COMMD1: variants seen among roughly 807,000 people sequenced by gnomAD.
COMMD1 encodes COMM domain-containing protein 1.
Under a neutral mutation model 17.2 loss-of-function variants are expected in COMMD1, and 10 were observed. The ratio of observed to expected loss-of-function variants is 0.58; its 90% confidence interval spans 0.36 to 0.99. The LOEUF (loss-of-function observed/expected upper bound fraction) is 0.99. Ranked by LOEUF, COMMD1 falls within the 50% of genes least tolerant of loss-of-function variation. The pLI is 0.01. For synonymous variants in COMMD1, 97 were observed against 91.6 expected (o/e 1.06, Z -0.34); for missense variants, 270 against 231.8 (o/e 1.17, Z -1.07).
At chr2:61,928,320 C>G (rs2105204437) in intron 1 of COMMD1, among the ~76,000 whole-genome samples, 1 of 152,066 alleles carries the variant, frequency 6.6e-6, no homozygotes, top group East Asian at 1.9e-4. Context: ...GCTACCATGC[C>G]TGGCTAATTT....
intron 2 of COMMD1, among the ~76,000 whole-genome samples, chr2:62,073,850 A>G (rs781128767): frequency 3.0e-4 from 46 of 152,080 alleles, no homozygotes; most frequent in Non-Finnish European, 5.3e-4. Context: ...AGGTGCCGCC[A>G]CCATGCTTGG....
chr2:62,115,832 T>TTTTC lies in COMMD1; in HGVS notation c.463-19971_463-19968dup, dbSNP rs772454952. Among the ~76,000 whole-genome samples, 1,057 of 135,154 alleles carry TTTTC rather than the reference T, an allele frequency of 7.8e-3. 8 individuals are homozygous for TTTTC. The highest frequency in any genetic ancestry group is 0.027 in the Middle Eastern group (7 of 264). 88.7% of individuals were successfully genotyped at this position (135,154 alleles called of 152,430 possible). On this transcript the variant is annotated intron_variant, in intron 2 of 2. Transcript: ENST00000311832. ...AAGTCATAATTTTGGTGGGTTTTTT[T>TTTTC]TTTCTTTCTTTCTTTCTTTCTTTCT...
At chr2:62,134,485 G>A (rs1368103832) in intron 2 of COMMD1, among the ~76,000 whole-genome samples, 1 of 151,556 alleles carries the variant, frequency 6.6e-6, no homozygotes, top group Non-Finnish European at 1.5e-5. Flanking sequence ...ATTTATCCTT[G>A]TCTCTCAAGA....
intron 2 of COMMD1, among the ~76,000 whole-genome samples, chr2:62,015,491 C>A (rs2103841950): frequency 6.6e-6 from 1 of 152,242 alleles, no homozygotes; most frequent in African/African-American, 2.4e-5. Context: ...CATGGGTATA[C>A]AAATATCTAT....
intron 1 of COMMD1, among the ~76,000 whole-genome samples, chr2:61,925,961 T>C (rs1481789292): frequency 1.3e-5 from 2 of 151,808 alleles, no homozygotes; most frequent in African/African-American, 4.9e-5. Flanking sequence ...TTTTTTGTTT[T>C]TTGTTTTTTG....
chr2:62,065,379 T>G (rs1404036626), intron 2 of COMMD1, among the ~76,000 whole-genome samples: 1 of 139,916 alleles, frequency 7.1e-6, no homozygotes, highest in Admixed American at 7.5e-5. Context: ...AGGGTCTTGC[T>G]CTGTTACCCA....
intron 2 of COMMD1, among the ~76,000 whole-genome samples, chr2:62,059,716 A>G (rs2103936434): frequency 6.6e-6 from 1 of 152,150 alleles, no homozygotes; most frequent in South Asian, 2.1e-4. Flanking sequence ...TATAGACACA[A>G]GCTAGCCTTT....
At chr2:61,957,178 T>A (rs763649106) in intron 1 of COMMD1, among the ~76,000 whole-genome samples, 44 of 151,962 alleles carry the variant, frequency 2.9e-4, no homozygotes, top group Admixed American at 7.9e-4. Context: ...GTGGGGTGTT[T>A]ATAGCTCACT....
In COMMD1 at chr2:62,005,909, G is replaced by A. The variant is rs1488455726; in HGVS notation, c.462+4927G>A. Among the ~76,000 whole-genome samples the A allele has an allele frequency of 1.2e-3, 187 of 151,650 alleles. 1 individual carries two copies. The highest frequency in any genetic ancestry group is 3.4e-3 in the Middle Eastern group (1 of 294). On this transcript the variant is annotated intron_variant, in intron 2 of 2. Coordinates refer to ENST00000311832, the MANE Select transcript of COMMD1 (RefSeq NM_152516.4). ...ACACATGCACACGTATGTTTACTGC[G>A]GCACTATTCACAATAGCAAAGACTT...
intron 1 of COMMD1, among the ~76,000 whole-genome samples, chr2:61,949,821 A>T (rs745455654): frequency 6.6e-6 from 1 of 152,168 alleles, no homozygotes; most frequent in Non-Finnish European, 1.5e-5. Flanking sequence ...GAGATCTTTT[A>T]TTTAGACAGA....
intron 1 of COMMD1, among the ~76,000 whole-genome samples, chr2:61,940,552 A>G (rs1670716993): frequency 6.6e-6 from 1 of 152,208 alleles, no homozygotes; most frequent in Non-Finnish European, 1.5e-5. Flanking sequence ...TCAAATTTAT[A>G]TCTTAATTTG....
In COMMD1 at chr2:62,049,672, G is replaced by C. The variant is rs1670485369; in HGVS notation, c.462+48690G>C. ...AACAGGCCTTTATAAGGTAGAGGCAGCACTTACTCAGGTATTCCAGTACTG... is the reference window on the plus strand; with the variant it reads ...AACAGGCCTTTATAAGGTAGAGGCACCACTTACTCAGGTATTCCAGTACTG... On this transcript the variant is annotated intron_variant, in intron 2 of 2. Transcript: ENST00000311832. Among the ~76,000 whole-genome samples the C allele has an allele frequency of 2.0e-5, 3 of 152,164 alleles. No homozygotes were observed. The South Asian group carries it at 6.2e-4, about 32-fold the overall frequency.
Position 61,942,828 on chromosome 2 carries a change from G to GT in COMMD1, c.180+36971dup. On this transcript the variant is annotated intron_variant, in intron 1 of 2. Coordinates refer to ENST00000311832, the MANE Select transcript of COMMD1 (RefSeq NM_152516.4). ...GCTGGGATTACGGGCAGGAGCCACT[G>GT]TGTCCGGCTGTTAATTTATGAGTAC... Among the ~76,000 whole-genome samples the GT allele has an allele frequency of 2.0e-5, 3 of 152,268 alleles. No homozygotes were observed. In the Middle Eastern group the frequency reaches 0.01, roughly 518 times the overall value.
chr2:61,894,933 G>A (rs533332389), intron 1 of COMMD1, among the ~76,000 whole-genome samples: 25 of 152,152 alleles, frequency 1.6e-4, no homozygotes, highest in African/African-American at 5.3e-4. Context: ...CCTGACCTCA[G>A]GTGATCCACC....
intron 2 of COMMD1, among the ~76,000 whole-genome samples, chr2:62,127,505 C>T (rs1672915368): frequency 6.6e-6 from 1 of 152,132 alleles, no homozygotes; most frequent in Non-Finnish European, 1.5e-5. Flanking sequence ...ACCAAAACAG[C>T]ATGGTACTGA....
At chr2:61,984,253 T>TGA (rs1672041438) in intron 1 of COMMD1, among the ~76,000 whole-genome samples, 1 of 152,216 alleles carries the variant, frequency 6.6e-6, no homozygotes, top group Non-Finnish European at 1.5e-5. Flanking sequence ...CTCGAACTCC[T>TGA]GACCTCAGGT....
At chr2:61,966,996 A>G (rs1671522677) in intron 1 of COMMD1, among the ~76,000 whole-genome samples, 1 of 151,952 alleles carries the variant, frequency 6.6e-6, no homozygotes, top group Non-Finnish European at 1.5e-5. Context: ...TCTTATTTTT[A>G]GTAACTTTTA....
In COMMD1 at chr2:62,124,925, C is replaced by G. The variant is rs553327915; in HGVS notation, c.463-10906C>G. Among the ~76,000 whole-genome samples the G allele has an allele frequency of 3.9e-5, 6 of 152,182 alleles. No individual in the cohort carries two copies. In the East Asian group the frequency reaches 1.2e-3, roughly 29 times the overall value. On this transcript the variant is annotated intron_variant, in intron 2 of 2. Transcript: ENST00000311832. ...CTGAAATTTCCTAGATACCAAATGT[C>G]TCTTTCTTCCTTGAGTTTCTAGTAA...
At chr2:61,920,436 A>G (rs995007891) in intron 1 of COMMD1, among the ~76,000 whole-genome samples, 4 of 151,756 alleles carry the variant, frequency 2.6e-5, no homozygotes, top group Non-Finnish European at 5.9e-5. Flanking sequence ...TAAACTTTGT[A>G]ATTGCTTCTG....
Sources: gnomAD v4.1 joint callset for allele counts (sites outside exome capture counted in the v4.1 genomes callset) on GRCh38, gnomAD v4.1.1 for gene constraint, MANE v1.5 for transcripts, NCBI Gene and HGNC (gene_info 2026-07-23, HGNC 2026-07-21) for gene names.